The following TNNI3K variants were observed in gnomAD, a reference collection of about 807,000 sequenced individuals.
TNNI3K encodes the protein serine/threonine-protein kinase TNNI3K.
In TNNI3K, 140 loss-of-function variants were observed where a neutral mutation model predicts 114.5. That is an observed-to-expected ratio of 1.22 (90% CI 1.07 to 1.41). The LOEUF (loss-of-function observed/expected upper bound fraction) is 1.41. Ranked by LOEUF, TNNI3K falls within the 40% of genes most tolerant of loss-of-function variation. The pLI, the probability that TNNI3K is intolerant of heterozygous loss-of-function variation, is 0.00. For missense variants in TNNI3K, 1,125 were observed against 1,007.6 expected (o/e 1.12, Z -1.58); for synonymous variants, 347 against 347.5 (o/e 1.00, Z 0.02).
intron 21 of TNNI3K, chr1:74,468,584 TA>T (rs1455387116): frequency 1.3e-5 from 2 of 152,018 alleles, no homozygotes; most frequent in African/African-American, 2.4e-5. Context: ...ATAAGAAACT[TA>T]AGTTATTTCC....
chr1:74,485,321 A>G (rs1277069874), intron 21 of TNNI3K, among the ~76,000 whole-genome samples: 2 of 152,218 alleles, frequency 1.3e-5, no homozygotes, highest in Admixed American at 1.3e-4. Flanking sequence ...AATGCCCTGC[A>G]TGGGGCAGCA....
chr1:74,455,014 C>A (rs61469063), intron 20 of TNNI3K, among the ~76,000 whole-genome samples: 2,205 of 152,178 alleles, frequency 0.014, 56 homozygotes, highest in African/African-American at 0.05. Flanking sequence ...TGAGTTCTTT[C>A]TTTCTGGGCC....
chr1:74,359,439 A>G (rs532769891), intron 11 of TNNI3K, among the ~76,000 whole-genome samples: 122 of 152,100 alleles, frequency 8.0e-4, no homozygotes, highest in African/African-American at 2.8e-3. Context: ...GGAATCCGCT[A>G]TAAACCCTCT....
Position 74,492,197 on chromosome 1 carries a change from C to A in TNNI3K, c.2282C>A (p.Ala761Glu). 6.2e-7 allele frequency: 1 copy of A among 1,612,840 alleles called. No individual in the cohort carries two copies. The highest frequency in any genetic ancestry group is 8.5e-7 in the Non-Finnish European group (1 of 1,179,182). The part of the protein sequence containing the change: ...NRGGPGRSHV[A>E]ALRSRFELEY... ...GGAGGACCTGGCCGGAGTCATGTGGCAGCATTAAGAAGTCGTTTCGAATTG... is the reference window on the plus strand; with the variant it reads ...GGAGGACCTGGCCGGAGTCATGTGGAAGCATTAAGAAGTCGTTTCGAATTG... The change falls in exon 23 of 25, where the codon GCA (alanine) becomes GAA (glutamate). Residue 761 changes from alanine to glutamate, a missense_variant. Ala to Glu is a moderately radical substitution (Grantham distance 107, BLOSUM62 -1). Transcript: ENST00000326637.
At chr1:74,406,975 G>T (rs1456394269) in intron 17 of TNNI3K, among the ~76,000 whole-genome samples, 3 of 152,154 alleles carry the variant, frequency 2.0e-5, no homozygotes, top group Non-Finnish European at 2.9e-5. Context: ...GTCAAAGTTA[G>T]TGTCTTTGGT....
intron 20 of TNNI3K, among the ~76,000 whole-genome samples, chr1:74,463,048 A>G (rs1203814265): frequency 6.6e-6 from 1 of 152,236 alleles, no homozygotes; most frequent in Non-Finnish European, 1.5e-5. Flanking sequence ...TTCCATGTTT[A>G]CTACATACAA....
chr1:74,539,634 C>T (rs1010585781), intron 23 of TNNI3K, among the ~76,000 whole-genome samples: 6 of 151,990 alleles, frequency 3.9e-5, no homozygotes, highest in African/African-American at 1.2e-4. Context: ...GCTTTGGAAT[C>T]TAAAAGATGA....
chr1:74,508,932 A>G (rs980233411), intron 23 of TNNI3K, among the ~76,000 whole-genome samples: 26 of 152,300 alleles, frequency 1.7e-4, no homozygotes, highest in Middle Eastern at 3.4e-3. Flanking sequence ...AACACTTAAT[A>G]TCATCCCTGA....
intron 23 of TNNI3K, among the ~76,000 whole-genome samples, chr1:74,516,957 A>G (rs1386864669): frequency 6.6e-6 from 1 of 152,194 alleles, no homozygotes; most frequent in East Asian, 1.9e-4. Context: ...GAAGTCTAAA[A>G]GAAATATTTA....
intron 21 of TNNI3K, among the ~76,000 whole-genome samples, chr1:74,473,689 C>A (rs1468842708): frequency 2.6e-5 from 4 of 152,030 alleles, no homozygotes; most frequent in East Asian, 1.9e-4. Context: ...TAATTCCAAT[C>A]TAAGATCTGC....
intron 2 of TNNI3K, among the ~76,000 whole-genome samples, chr1:74,241,691 A>C (rs1654225960): frequency 6.6e-6 from 1 of 151,910 alleles, no homozygotes; most frequent in Non-Finnish European, 1.5e-5. Flanking sequence ...TTGTCAGATG[A>C]GTAGATTGCA....
chr1:74,514,554 A>G (rs1195798612), intron 23 of TNNI3K, among the ~76,000 whole-genome samples: 6 of 152,216 alleles, frequency 3.9e-5, no homozygotes, highest in Non-Finnish European at 7.3e-5. Context: ...TTAATATAAT[A>G]TCCCCAATTA....
At chr1:74,351,329 GA>G (rs1261425081) in intron 9 of TNNI3K, among the ~76,000 whole-genome samples, 1 of 151,506 alleles carries the variant, frequency 6.6e-6, no homozygotes, top group Non-Finnish European at 1.5e-5. Context: ...TTTCTGCCGA[GA>G]GATCTGCTGT....
chr1:74,475,888 A>G, intron 21 of TNNI3K: 1 of 531,592 alleles, frequency 1.9e-6, no homozygotes, highest in South Asian at 3.8e-5. Flanking sequence ...AAAACCACAA[A>G]TATAAAGGTT....
intron 20 of TNNI3K, among the ~76,000 whole-genome samples, chr1:74,442,471 A>G (rs1666419718): frequency 6.6e-6 from 1 of 152,086 alleles, no homozygotes; most frequent in Admixed American, 6.6e-5. Flanking sequence ...AAATTTTAGA[A>G]TCAGCTTGTC....
intron 20 of TNNI3K, among the ~76,000 whole-genome samples, chr1:74,452,632 A>T (rs1425241378): frequency 6.6e-6 from 1 of 152,132 alleles, no homozygotes; most frequent in African/African-American, 2.4e-5. Context: ...TTTTCCACCA[A>T]TCACTAGATT....
rs1172434853 is a variant in TNNI3K, at chr1:74,489,262, C to G, written c.2181+14C>G. ...TGCAACATTGAGGTAAAAGCTTTAG[C>G]TTCTGAAATATGTCCATAAAAAAGC... On this transcript the variant is annotated intron_variant, in intron 22 of 24. Coordinates refer to ENST00000326637, the MANE Select transcript of TNNI3K (RefSeq NM_015978.3). 6.2e-7 allele frequency: 1 copy of G among 1,604,290 alleles called. No individual in the cohort carries two copies.
chr1:74,494,155 G>A (rs1669216975), intron 23 of TNNI3K, among the ~76,000 whole-genome samples: 1 of 152,056 alleles, frequency 6.6e-6, no homozygotes, highest in Admixed American at 6.5e-5. Context: ...TTTGCACACG[G>A]CCCAGTTACA....
chr1:74,400,156 G>T (rs1664287522), intron 17 of TNNI3K, among the ~76,000 whole-genome samples: 1 of 152,132 alleles, frequency 6.6e-6, no homozygotes, highest in Non-Finnish European at 1.5e-5. Flanking sequence ...AAACAATCCA[G>T]CTACTCTAGA....
Sources: gnomAD v4.1 joint callset for allele counts (sites outside exome capture counted in the v4.1 genomes callset) on GRCh38, gnomAD v4.1.1 for gene constraint, MANE v1.5 for transcripts, NCBI Gene and HGNC (gene_info 2026-07-23, HGNC 2026-07-21) for gene names.